The following LRRC4C variants were observed in gnomAD, a reference collection of about 807,000 sequenced individuals.
LRRC4C encodes leucine-rich repeat-containing protein 4C.
Under a neutral mutation model 33.6 loss-of-function variants are expected in LRRC4C, and 5 were observed. That is an observed-to-expected ratio of 0.15 (90% CI 0.08 to 0.31). The LOEUF (loss-of-function observed/expected upper bound fraction) is 0.31. LRRC4C is among the 10% of genes least tolerant of loss of function. The pLI is 1.00. For synonymous variants in LRRC4C, 329 were observed against 302.0 expected, an observed-to-expected ratio of 1.09 and a Z score of -0.93; for missense variants, 560 against 796.7, an observed-to-expected ratio of 0.70 and a Z score of 3.58.
intron 1 of LRRC4C, among the ~76,000 whole-genome samples, chr11:40,949,194 C>T (rs191179384): frequency 0.014 from 2,141 of 152,140 alleles, 57 homozygotes; most frequent in African/African-American, 0.049. Flanking sequence ...TCATGTCCTT[C>T]GCCCACATTT....
Position 40,554,972 on chromosome 11 carries a change from C to T in LRRC4C, c.-270+93170G>A, listed in dbSNP as rs372965687. 2.3e-4 allele frequency among the ~76,000 whole-genome samples: 33 copies of T among 143,238 alleles called. No individual in the cohort carries two copies. The East Asian group carries it at 5.7e-3, about 25-fold the overall frequency. The allele number at this position is 143,238 out of a possible 152,430, so 94.0% of individuals were successfully genotyped here. A position where few individuals can be genotyped will look rare whatever the true frequency, so the allele number is the denominator to read the frequency against. On this transcript the variant is annotated intron_variant, in intron 3 of 6. Transcript: ENST00000528697. ...TCCTGACCTCGTGATCCGCCCGCCT[C>T]GGCCTCCCAAAGTGCTGGGATTACA...
chr11:40,386,033 T>C (rs1454151591), intron 3 of LRRC4C, among the ~76,000 whole-genome samples: 1 of 150,584 alleles, frequency 6.6e-6, no homozygotes, highest in African/African-American at 2.4e-5. Context: ...CATGTACCCA[T>C]GAAACGAAAA....
At chr11:41,241,340 C>G (rs1041510384) in intron 1 of LRRC4C, among the ~76,000 whole-genome samples, 2 of 152,028 alleles carry the variant, frequency 1.3e-5, no homozygotes, top group African/African-American at 2.4e-5. Flanking sequence ...AAGCAGTAAC[C>G]CTTTCCAACA....
chr11:40,400,382 T>C (rs1278914907), intron 3 of LRRC4C, among the ~76,000 whole-genome samples: 1 of 152,136 alleles, frequency 6.6e-6, no homozygotes, highest in African/African-American at 2.4e-5. Context: ...TGTGTTCTCT[T>C]TCATCATTTT....
At chr11:40,490,488 T>G (rs1277548282) in intron 3 of LRRC4C, among the ~76,000 whole-genome samples, 1 of 152,102 alleles carries the variant, frequency 6.6e-6, no homozygotes, top group East Asian at 1.9e-4. Flanking sequence ...CTGTAATTAC[T>G]TAGATTTTTA....
chr11:40,550,584 T>C (rs761011326), intron 3 of LRRC4C, among the ~76,000 whole-genome samples: 1 of 152,196 alleles, frequency 6.6e-6, no homozygotes, highest in African/African-American at 2.4e-5. Context: ...GATGGATGAA[T>C]ATTAATTGAT....
intron 3 of LRRC4C, among the ~76,000 whole-genome samples, chr11:40,352,551 G>C (rs1051493354): frequency 6.6e-6 from 1 of 152,016 alleles, no homozygotes; most frequent in Non-Finnish European, 1.5e-5. Flanking sequence ...ACTATGTCTT[G>C]ATAAGTTGTT....
intron 5 of LRRC4C, among the ~76,000 whole-genome samples, chr11:40,239,800 G>C (rs1026156734): frequency 6.6e-6 from 1 of 152,122 alleles, no homozygotes; most frequent in African/African-American, 2.4e-5. Context: ...TAGCAAGATG[G>C]GTGTTAGCCA....
Position 40,800,926 on chromosome 11 carries a change from C to A in LRRC4C, c.-407+132709G>T, listed in dbSNP as rs774821777. Among the ~76,000 whole-genome samples, 5 of 152,266 alleles carry A rather than the reference C, an allele frequency of 3.3e-5. No individual in the cohort carries two copies. In the Middle Eastern group the frequency reaches 0.01, roughly 311 times the overall value. ...TTATCTGTGAGCTCCAGGACCATCA[C>A]ATCATAATCTTGTTCCTTAAATACA... On this transcript the variant is annotated intron_variant, in intron 2 of 6. Coordinates refer to ENST00000528697, the MANE Select transcript of LRRC4C (RefSeq NM_001258419.2).
intron 5 of LRRC4C, among the ~76,000 whole-genome samples, chr11:40,194,391 C>G (rs542182016): frequency 1.3e-5 from 2 of 152,284 alleles, no homozygotes; most frequent in African/African-American, 4.8e-5. Flanking sequence ...CTTTTCCAGA[C>G]AAGCAAATGC....
intron 1 of LRRC4C, among the ~76,000 whole-genome samples, chr11:41,086,245 A>T (rs1939979495): frequency 6.6e-6 from 1 of 152,160 alleles, no homozygotes; most frequent in African/African-American, 2.4e-5. Flanking sequence ...TTAAGTAAAA[A>T]TCAAGGCTAT....
rs529529429 is a variant in LRRC4C, at chr11:40,630,810, C to T, written c.-270+17332G>A. Among the ~76,000 whole-genome samples, 18 of 152,182 alleles carry T rather than the reference C, an allele frequency of 1.2e-4. 1 individual carries two copies. In the East Asian group the frequency reaches 2.3e-3, roughly 20 times the overall value. On this transcript the variant is annotated intron_variant, in intron 3 of 6. Transcript: ENST00000528697. ...ATGACCAAGGCATTAGTAATCTTAA[C>T]GTGCCCAACAGCTCCCCACAGATTT... is the stretch of plus-strand genomic sequence containing the variant.
intron 5 of LRRC4C, among the ~76,000 whole-genome samples, chr11:40,211,282 A>T (rs991308691): frequency 6.6e-6 from 1 of 152,206 alleles, no homozygotes; most frequent in African/African-American, 2.4e-5. Context: ...GGCACATAAG[A>T]AGATAAACAG....
intron 5 of LRRC4C, among the ~76,000 whole-genome samples, chr11:40,186,964 C>A (rs1022596626): frequency 2.6e-5 from 4 of 152,134 alleles, no homozygotes; most frequent in Non-Finnish European, 5.9e-5. Flanking sequence ...AGTGGCAGGG[C>A]TGTGCTGGGG....
intron 3 of LRRC4C, among the ~76,000 whole-genome samples, chr11:40,339,855 T>C (rs998501112): frequency 1.3e-5 from 2 of 152,116 alleles, no homozygotes; most frequent in Non-Finnish European, 2.9e-5. Context: ...TAGTAAAGAG[T>C]AACTTCATGT....
At chr11:40,233,594 T>A (rs1167761815) in intron 5 of LRRC4C, among the ~76,000 whole-genome samples, 3 of 152,166 alleles carry the variant, frequency 2.0e-5, no homozygotes, top group African/African-American at 4.8e-5. Flanking sequence ...GTCTTAGTAA[T>A]CTGGATTAAG....
chr11:40,243,460 TACA>T (rs1294500441), intron 4 of LRRC4C, among the ~76,000 whole-genome samples: 8 of 150,650 alleles, frequency 5.3e-5, no homozygotes, highest in Non-Finnish European at 1.0e-4. Context: ...AAACTGAGGC[TACA>T]AAAGAAGAAG....
intron 1 of LRRC4C, among the ~76,000 whole-genome samples, chr11:40,981,630 G>A (rs541488075): frequency 1.5e-4 from 23 of 152,086 alleles, no homozygotes; most frequent in Non-Finnish European, 3.1e-4. Flanking sequence ...TACATACAGA[G>A]GGGCTTTTAA....
chr11:41,168,738 T>G (rs1944839898), intron 1 of LRRC4C, among the ~76,000 whole-genome samples: 1 of 151,826 alleles, frequency 6.6e-6, no homozygotes, highest in South Asian at 2.1e-4. Context: ...TTCAATTGAG[T>G]ACTTTTCACA....
Sources: gnomAD v4.1 joint callset for allele counts (sites outside exome capture counted in the v4.1 genomes callset) on GRCh38, gnomAD v4.1.1 for gene constraint, MANE v1.5 for transcripts, NCBI Gene and HGNC (gene_info 2026-07-23, HGNC 2026-07-21) for gene names.